TRPV6: variants seen among roughly 807,000 people sequenced by gnomAD.
TRPV6 encodes the protein transient receptor potential cation channel subfamily V member 6, also known as Alu-binding protein with zinc finger domain.
In TRPV6, 39 loss-of-function variants were observed where a neutral mutation model predicts 79.0. That is an observed-to-expected ratio of 0.49 (90% CI 0.38 to 0.64). TRPV6 has a LOEUF of 0.64. Ranked by LOEUF, TRPV6 falls within the 30% of genes least tolerant of loss-of-function variation. The pLI is 0.00. For synonymous variants in TRPV6, 373 were observed against 391.9 expected, an observed-to-expected ratio of 0.95 and a Z score of 0.57; for missense variants, 813 against 1,011.1, an observed-to-expected ratio of 0.80 and a Z score of 2.66.
chr7:142,878,924 T>C (rs1338541088), intron 1 of TRPV6: 1 of 152,208 alleles, frequency 6.6e-6, no homozygotes, highest in Non-Finnish European at 1.5e-5. Context: ...TGGAGAAGCA[T>C]TGCTTAAGTG....
chr7:142,885,407 T>C lies in TRPV6; in HGVS notation c.230A>G (p.Asn77Ser). 1.2e-6 allele frequency: 2 copies of C among 1,613,426 alleles called. No homozygotes were observed. The highest frequency in any genetic ancestry group is 1.7e-6 in the Non-Finnish European group (2 of 1,179,630). Residue 77 changes from asparagine to serine, a missense_variant, in exon 1 of 15, where the codon AAC becomes AGC. Coordinates refer to ENST00000359396, the MANE Select transcript of TRPV6 (RefSeq NM_018646.6). ...GCCTTACCTCTTCTGCTGCAGCAGG[T>C]TCTGCTCATCTCGGCTCTGGGCCCA... is the stretch of plus-strand genomic sequence containing the variant.
chr7:142,877,641 G>T lies in TRPV6; in HGVS notation c.469+10C>A. The T allele has an allele frequency of 6.2e-7, 1 of 1,613,670 alleles. No homozygotes were observed. Among genetic ancestry groups the T allele is most frequent in the Non-Finnish European group, 8.5e-7 (1 of 1,179,828 alleles). ...CTCCTGCTCTTCACCCCAGACCCGT[G>T]GGCCCTCACCCTCATAGAGCTCAGA... On this transcript the variant is annotated intron_variant, in intron 3 of 14. Coordinates refer to ENST00000359396, the MANE Select transcript of TRPV6 (RefSeq NM_018646.6).
At chr7:142,874,255 G>T in intron 11 of TRPV6, 113 bp from the exon 12 acceptor site, 1 of 1,299,508 alleles carries the variant, frequency 7.7e-7, no homozygotes. Flanking sequence ...CTCTGGGACA[G>T]GGATTGGCTA....
chr7:142,878,351 T>C (rs1795124304), intron 1 of TRPV6: 2 of 383,670 alleles, frequency 5.2e-6, no homozygotes, highest in Non-Finnish European at 9.8e-6. Context: ...GAGTTCTATG[T>C]AGACATGTGC....
rs780306040 is a variant in TRPV6 at position 142,872,409 on chromosome 7, C to T, written c.1978G>A (p.Gly660Arg). ...CGGTCTCCCAGGCCATACTCCCGTCCGCAGATCCCGGAGCGAGGCCACAGG... is the reference window on the plus strand; with the variant it reads ...CGGTCTCCCAGGCCATACTCCCGTCTGCAGATCCCGGAGCGAGGCCACAGG... Residue 660 changes from glycine (G) to arginine (R), a missense_variant, in exon 14 of 15, where the codon GGA (glycine) becomes AGA (arginine). Physicochemically the swap from Gly to Arg is moderately radical, Grantham distance 125. Transcript: ENST00000359396. 14 of 1,614,100 alleles carry T rather than the reference C, an allele frequency of 8.7e-6. No homozygotes were observed. The highest frequency in any genetic ancestry group is 6.6e-5 in the South Asian group (6 of 91,084).
chr7:142,875,070 C>T lies in TRPV6; in HGVS notation c.1329+8G>A, dbSNP rs1300125191. On this transcript the variant is annotated splice_region_variant and intron_variant, in intron 9 of 14. Transcript: ENST00000359396. The stretch of plus-strand genomic sequence containing the variant: ...GACAGCCTCACCCAGAGTCCATCCA[C>T]ACCTCACCTCTACCAGCAGGATGAT... The T allele has an allele frequency of 1.9e-6, 3 of 1,614,210 alleles. No homozygotes were observed. Among genetic ancestry groups the T allele is most frequent in the East Asian group, 2.2e-5 (1 of 44,872 alleles).
At chr7:142,874,687 G>T in intron 10 of TRPV6, 31 bp from the exon 11 acceptor site, 1 of 1,602,160 alleles carries the variant, frequency 6.2e-7, no homozygotes, top group Non-Finnish European at 8.5e-7. Flanking sequence ...GTGATGAGGG[G>T]AGGGCTGGGA....
In TRPV6 at chr7:142,871,391, C is replaced by G. The variant is rs1033886829; in HGVS notation, c.*316G>C. 3 of 436,772 alleles carry G rather than the reference C, an allele frequency of 6.9e-6. No homozygotes were observed. The Admixed American group carries it at 1.2e-4, about 17-fold the overall frequency. 27.1% of individuals were successfully genotyped at this position (436,772 alleles called of 1,614,324 possible). A position where few individuals can be genotyped will look rare whatever the true frequency, so the allele number is the denominator to read the frequency against. The stretch of plus-strand genomic sequence containing the variant: ...TTATGACCCTGGGGTGGAGACCGAG[C>G]GCCCAAGCAGGCTGGCCTGTTTTTA... On this transcript the variant is annotated 3_prime_UTR_variant, in exon 15 of 15. Transcript: ENST00000359396.
intron 11 of TRPV6, 91 bp from the exon 12 acceptor site, chr7:142,874,233 C>CA (rs762649402): frequency 7.8e-6 from 11 of 1,402,202 alleles, no homozygotes; most frequent in Non-Finnish European, 1.1e-5. Flanking sequence ...CGACAAGTCT[C>CA]ACAGCTCCAC....
At chr7:142,872,071 T>A (rs1322068206) in intron 14 of TRPV6, 82 bp from the exon 15 acceptor site, 2 of 1,498,922 alleles carry the variant, frequency 1.3e-6, no homozygotes, top group Non-Finnish European at 1.8e-6. Context: ...TATCCCCTGG[T>A]CCTCCCATCC....
At chr7:142,875,299 T>TTACTCTGAGAG in intron 8 of TRPV6, 135 bp from the exon 9 acceptor site, 1 of 1,269,412 alleles carries the variant, frequency 7.9e-7, no homozygotes, top group Non-Finnish European at 1.1e-6. Flanking sequence ...AACTCTGCTC[T>TTACTCTGAGAG]CAGAGTAAGA....
In TRPV6 at chr7:142,875,546, G is replaced by C. The variant is rs1193281581; in HGVS notation, c.1164C>G (p.Ile388Met). The change falls in exon 8 of 15, where the codon ATC (isoleucine) becomes ATG (methionine). Residue 388 changes from isoleucine (I) to methionine (M), a missense_variant. Transcript: ENST00000359396. ...TGGTCCTGGGCTTGAGGGGGCGGTA[G>C]ATGCAGCACATGGTGAAGCAGATGA... 6.2e-7 allele frequency: 1 copy of C among 1,612,856 alleles called. No homozygotes were observed. Among genetic ancestry groups the C allele is most frequent in the Non-Finnish European group, 8.5e-7 (1 of 1,179,876 alleles).
At chr7:142,874,302 T>C (rs1215363899) in intron 11 of TRPV6, among the ~76,000 whole-genome samples, 160 bp from the exon 12 acceptor site, 1 of 152,178 alleles carries the variant, frequency 6.6e-6, no homozygotes, top group African/African-American at 2.4e-5. Flanking sequence ...TGACCTGCTT[T>C]GGTGTGGCCT....
chr7:142,875,709 G>C (rs1244234933), intron 7 of TRPV6, 29 bp from the exon 8 acceptor site: 1 of 1,604,176 alleles, frequency 6.2e-7, no homozygotes, highest in Non-Finnish European at 8.5e-7. Flanking sequence ...AGGTGGCTCA[G>C]AGACCCTGAC....
At chr7:142,876,643 C>T (rs963860511) in intron 5 of TRPV6, 60 bp from the exon 6 acceptor site, 2 of 1,612,232 alleles carry the variant, frequency 1.2e-6, no homozygotes, top group Non-Finnish European at 8.5e-7. Flanking sequence ...GTCCCCATCC[C>T]CACCCTGAGG....
At chr7:142,877,337 C>T in intron 3 of TRPV6, 58 bp from the exon 4 acceptor site, 1 of 1,597,326 alleles carries the variant, frequency 6.3e-7, no homozygotes, top group East Asian at 2.2e-5. Context: ...CAGGGGGTCC[C>T]TCCCATATGC....
chr7:142,880,650 A>G (rs940084140), intron 1 of TRPV6: 5 of 152,174 alleles, frequency 3.3e-5, no homozygotes, highest in African/African-American at 1.2e-4. Context: ...TCTGAAGCTG[A>G]AAGTGTCCCC....
rs745457626 is a variant in TRPV6, at chr7:142,875,726, C to G, written c.1029+32G>C. 1.9e-6 allele frequency: 3 copies of G among 1,599,066 alleles called. No homozygotes were observed. In the South Asian group the frequency reaches 3.4e-5, roughly 18 times the overall value. ...GTGGCTCAGAGACCCTGACACCCCT[C>G]CCCAGCCACAGCCTGCTGTCATGAG... On this transcript the variant is annotated intron_variant, in intron 7 of 14. Coordinates refer to ENST00000359396, the MANE Select transcript of TRPV6 (RefSeq NM_018646.6).
intron 8 of TRPV6, 127 bp downstream of exon 8, chr7:142,875,341 G>A: frequency 7.9e-7 from 1 of 1,262,506 alleles, no homozygotes; most frequent in Non-Finnish European, 1.1e-6. Flanking sequence ...CGTGCATTTG[G>A]AGTTTGTACC....
Sources: gnomAD v4.1 joint callset for allele counts (sites outside exome capture counted in the v4.1 genomes callset) on GRCh38, gnomAD v4.1.1 for gene constraint, MANE v1.5 for transcripts, NCBI Gene and HGNC (gene_info 2026-07-23, HGNC 2026-07-21) for gene names.